The following ACYP2 variants were observed in gnomAD, a reference collection of about 807,000 sequenced individuals.
ACYP2 encodes acylphosphatase 2.
In ACYP2, 12 loss-of-function variants were observed where a neutral mutation model predicts 11.2. The observed-to-expected ratio is 1.08, with a 90% CI of 0.69 to 1.74. The LOEUF is 1.74. Ranked by LOEUF, ACYP2 falls within the 40% of genes most tolerant of loss-of-function variation. The pLI is 0.00. For synonymous variants in ACYP2, 43 were observed against 32.2 expected (o/e 1.33, Z -1.13); for missense variants, 134 against 101.9 (o/e 1.31, Z -1.35).
intron 6 of ACYP2, among the ~76,000 whole-genome samples, chr2:54,295,821 C>T (rs1168877274): frequency 2.0e-5 from 3 of 151,664 alleles, no homozygotes; most frequent in South Asian, 2.1e-4. Context: ...AGTGCAGTGG[C>T]GCGATCTCGG....
chr2:54,049,455 A>C (rs112194036), intron 2 of ACYP2, among the ~76,000 whole-genome samples: 1 of 152,154 alleles, frequency 6.6e-6, no homozygotes, highest in African/African-American at 2.4e-5. Context: ...TTTTAATAAA[A>C]CAAACCAAAC....
chr2:54,201,650 C>CTT lies in ACYP2; in HGVS notation c.404+62904_404+62905dup, dbSNP rs1254034830. Among the ~76,000 whole-genome samples, 100 of 87,022 alleles carry CTT rather than the reference C, an allele frequency of 1.1e-3. 3 individuals are homozygous for CTT. The highest frequency in any genetic ancestry group is 7.6e-3 in the South Asian group (16 of 2,118). The allele number at this position is 87,022 out of a possible 152,430, so 57.1% of individuals were successfully genotyped here. A position where few individuals can be genotyped will look rare whatever the true frequency, so the allele number is the denominator to read the frequency against. On this transcript the variant is annotated intron_variant, in intron 6 of 6. Coordinates refer to ENST00000607452, the MANE Select transcript of ACYP2 (RefSeq NM_001320586.2). ...TTTCTTTCTTTCTCTTTCTTTCTTT[C>CTT]TTTCTTTCTTTCTTTCTTTCTTTCT... is the stretch of plus-strand genomic sequence containing the variant.
intron 6 of ACYP2, among the ~76,000 whole-genome samples, chr2:54,151,388 G>A (rs920140278): frequency 6.6e-5 from 10 of 152,168 alleles, no homozygotes; most frequent in African/African-American, 2.4e-4. Flanking sequence ...AACCAGAGTG[G>A]CTAGCTTTTC....
At chr2:53,989,342 G>A (rs1233192432) in intron 2 of ACYP2, among the ~76,000 whole-genome samples, 4 of 135,966 alleles carry the variant, frequency 2.9e-5, no homozygotes, top group South Asian at 2.3e-4. Flanking sequence ...TTCCTGCCTC[G>A]GCCTTCCAAA....
At chr2:54,187,830 G>C (rs1684073182) in intron 6 of ACYP2, among the ~76,000 whole-genome samples, 1 of 152,204 alleles carries the variant, frequency 6.6e-6, no homozygotes. Context: ...TGAATCCCTA[G>C]TGCCAGTGTT....
At chr2:54,176,186 G>A (rs1047008244) in intron 6 of ACYP2, among the ~76,000 whole-genome samples, 10 of 152,116 alleles carry the variant, frequency 6.6e-5, no homozygotes, top group Admixed American at 3.3e-4. Context: ...CATAAGGACC[G>A]TATTTCTTAG....
At chr2:54,137,395 A>T (rs961246155) in intron 5 of ACYP2, among the ~76,000 whole-genome samples, 2 of 152,046 alleles carry the variant, frequency 1.3e-5, no homozygotes, top group Non-Finnish European at 2.9e-5. Flanking sequence ...AAAGCCTAGT[A>T]CCCAAAAGTT....
intron 6 of ACYP2, among the ~76,000 whole-genome samples, chr2:54,293,136 C>A (rs1391645737): frequency 3.9e-5 from 6 of 152,148 alleles, no homozygotes; most frequent in East Asian, 1.9e-4. Flanking sequence ...ACAGATGAGG[C>A]ACTGAGAGTT....
intron 6 of ACYP2, among the ~76,000 whole-genome samples, chr2:54,162,089 C>T (rs1682740136): frequency 6.6e-6 from 1 of 152,004 alleles, no homozygotes; most frequent in South Asian, 2.1e-4. Flanking sequence ...AAATTCAGGC[C>T]TCAGAGAGTC....
At chr2:54,224,089 T>C (rs1036542292) in intron 6 of ACYP2, among the ~76,000 whole-genome samples, 5 of 152,204 alleles carry the variant, frequency 3.3e-5, no homozygotes, top group Admixed American at 3.3e-4. Context: ...ATTACTAAGA[T>C]TGCATAAAGA....
At chr2:54,003,539 C>T (rs1176273942) in intron 2 of ACYP2, among the ~76,000 whole-genome samples, 1 of 152,044 alleles carries the variant, frequency 6.6e-6, no homozygotes. Flanking sequence ...GGATTACAGG[C>T]GTGAGCCACT....
intron 2 of ACYP2, among the ~76,000 whole-genome samples, chr2:53,993,951 C>G (rs1032911340): frequency 6.6e-6 from 1 of 151,914 alleles, no homozygotes; most frequent in Non-Finnish European, 1.5e-5. Flanking sequence ...TTTGGGAGGC[C>G]GAGGAGGGTG....
intron 4 of ACYP2, among the ~76,000 whole-genome samples, chr2:54,078,606 T>G: frequency 1.7e-5 from 1 of 59,084 alleles, no homozygotes; most frequent in East Asian, 1.7e-3. Flanking sequence ...TCAATAAGCT[T>G]TTTTTTTTTT....
intron 4 of ACYP2, among the ~76,000 whole-genome samples, chr2:54,080,714 C>A (rs1677601263): frequency 6.6e-6 from 1 of 152,128 alleles, no homozygotes. Context: ...GTCTCAACTC[C>A]TGACCTCAGG....
intron 2 of ACYP2, among the ~76,000 whole-genome samples, chr2:54,031,476 T>C (rs1273823998): frequency 6.6e-6 from 1 of 152,172 alleles, no homozygotes; most frequent in African/African-American, 2.4e-5. Context: ...TATGGCTGCA[T>C]AGTATTCCAT....
intron 2 of ACYP2, among the ~76,000 whole-genome samples, chr2:54,024,933 A>G (rs1674199123): frequency 3.3e-5 from 5 of 152,248 alleles, no homozygotes; most frequent in African/African-American, 2.4e-5. Context: ...TAGTACTGCT[A>G]TACAGCAACA....
At chr2:54,027,232 T>G (rs1034112984) in intron 2 of ACYP2, among the ~76,000 whole-genome samples, 2 of 152,162 alleles carry the variant, frequency 1.3e-5, no homozygotes, top group African/African-American at 2.4e-5. Flanking sequence ...CTCTTGTGCC[T>G]TTCTCCCCTA....
intron 6 of ACYP2, among the ~76,000 whole-genome samples, chr2:54,281,637 C>G (rs1431151340): frequency 6.6e-6 from 1 of 152,134 alleles, no homozygotes; most frequent in African/African-American, 2.4e-5. Context: ...CTTCTAGGCT[C>G]TGGTATTACG....
intron 4 of ACYP2, among the ~76,000 whole-genome samples, chr2:54,072,822 C>G (rs1677137538): frequency 6.6e-6 from 1 of 152,136 alleles, no homozygotes; most frequent in Admixed American, 6.5e-5. Context: ...CTCAGCCTCC[C>G]AAAGTGCTAG....
Sources: allele counts gnomAD v4.1 joint callset (sites outside exome capture counted in the v4.1 genomes callset), GRCh38; gene constraint gnomAD v4.1.1; transcripts MANE v1.5; gene names NCBI Gene and HGNC (gene_info 2026-07-23, HGNC 2026-07-21).